The following LRRC4C variants were observed in gnomAD, a reference collection of about 807,000 sequenced individuals.
LRRC4C encodes the protein leucine-rich repeat-containing protein 4C.
A neutral mutation model predicts 33.6 loss-of-function variants in LRRC4C; 5 were observed. The ratio of observed to expected loss-of-function variants is 0.15; its 90% CI spans 0.08 to 0.31. The LOEUF (loss-of-function observed/expected upper bound fraction) is 0.31. LRRC4C is among the 10% of genes least tolerant of loss of function. LRRC4C has a pLI of 1.00. For missense variants in LRRC4C, 560 were observed against 796.7 expected (o/e 0.70, Z 3.58); for synonymous variants, 329 against 302.0 (o/e 1.09, Z -0.93).
At chr11:41,367,533 C>T (rs532373975) in intron 1 of LRRC4C, among the ~76,000 whole-genome samples, 16 of 152,196 alleles carry the variant, frequency 1.1e-4, no homozygotes, top group African/African-American at 2.4e-4. Context: ...AATTTTAGTT[C>T]GGAATCATAC....
At chr11:40,875,019 A>T (rs1006848971) in intron 2 of LRRC4C, among the ~76,000 whole-genome samples, 4 of 152,318 alleles carry the variant, frequency 2.6e-5, no homozygotes, top group African/African-American at 9.6e-5. Context: ...ATCATTTCCC[A>T]TTCAGCCTAG....
At chr11:41,455,269 T>C (rs983187098) in intron 1 of LRRC4C, among the ~76,000 whole-genome samples, 6 of 152,206 alleles carry the variant, frequency 3.9e-5, no homozygotes, top group African/African-American at 1.4e-4. Flanking sequence ...CTGGAGTTAT[T>C]TGGTGAGTGC....
intron 3 of LRRC4C, among the ~76,000 whole-genome samples, chr11:40,627,478 C>A (rs904788706): frequency 6.6e-6 from 1 of 152,048 alleles, no homozygotes; most frequent in African/African-American, 2.4e-5. Flanking sequence ...AAGTCTCATT[C>A]TTGTAAAATA....
intron 1 of LRRC4C, among the ~76,000 whole-genome samples, chr11:41,348,534 T>C (rs948661870): frequency 3.3e-5 from 5 of 151,830 alleles, no homozygotes; most frequent in Non-Finnish European, 7.4e-5. Flanking sequence ...GAAAGAGTGT[T>C]GCCCTCGGGC....
At chr11:40,448,856 C>G (rs1162064157) in intron 3 of LRRC4C, among the ~76,000 whole-genome samples, 1 of 152,168 alleles carries the variant, frequency 6.6e-6, no homozygotes, top group Non-Finnish European at 1.5e-5. Context: ...CTAATTTACA[C>G]TCACATCAGC....
At chr11:40,997,105 G>A (rs375217867) in intron 1 of LRRC4C, among the ~76,000 whole-genome samples, 1 of 152,106 alleles carries the variant, frequency 6.6e-6, no homozygotes, top group East Asian at 1.9e-4. Context: ...GTTCTGCAAT[G>A]ATATCTGTGT....
intron 1 of LRRC4C, among the ~76,000 whole-genome samples, chr11:41,127,590 A>G (rs919045419): frequency 1.3e-5 from 2 of 152,094 alleles, no homozygotes; most frequent in Admixed American, 6.6e-5. Flanking sequence ...CTCTATCCCT[A>G]TAAAGTCAAA....
chr11:40,490,431 T>C (rs999970079), intron 3 of LRRC4C, among the ~76,000 whole-genome samples: 1 of 152,174 alleles, frequency 6.6e-6, no homozygotes, highest in African/African-American at 2.4e-5. Context: ...TTTGGCCTTG[T>C]AGTGCATGTA....
rs374447995 is a variant in LRRC4C at position 40,154,860 on chromosome 11, A to G, written c.-95-14007T>C. 8.5e-5 allele frequency among the ~76,000 whole-genome samples: 13 copies of G among 152,286 alleles called. No individual in the cohort carries two copies. The East Asian group carries it at 2.5e-3, about 29-fold the overall frequency. ...TATACCTTGGAACAAATGGACTTAA[A>G]CGAATATACAGAATATTTCATCCAA... On this transcript the variant is annotated intron_variant, in intron 5 of 6. Coordinates refer to ENST00000528697, the MANE Select transcript of LRRC4C (RefSeq NM_001258419.2).
At chr11:40,731,408 T>C (rs542353967) in intron 2 of LRRC4C, among the ~76,000 whole-genome samples, 2 of 152,286 alleles carry the variant, frequency 1.3e-5, no homozygotes, top group African/African-American at 4.8e-5. Flanking sequence ...TGACTGCTCC[T>C]GCTTTACCTT....
intron 1 of LRRC4C, among the ~76,000 whole-genome samples, chr11:41,023,136 C>G (rs543110313): frequency 6.6e-6 from 1 of 151,716 alleles, no homozygotes; most frequent in Non-Finnish European, 1.5e-5. Context: ...TTAGGAAACC[C>G]AATGTCAAGC....
At chr11:41,321,786 A>G (rs1337965667) in intron 1 of LRRC4C, among the ~76,000 whole-genome samples, 2 of 152,190 alleles carry the variant, frequency 1.3e-5, no homozygotes, top group Non-Finnish European at 2.9e-5. Flanking sequence ...TACGAGGTAG[A>G]TGACCTTGGA....
At chr11:40,834,515 A>C (rs1952570528) in intron 2 of LRRC4C, among the ~76,000 whole-genome samples, 1 of 152,038 alleles carries the variant, frequency 6.6e-6, no homozygotes, top group Admixed American at 6.6e-5. Flanking sequence ...CTTGAAATCC[A>C]ATATATACTA....
At chr11:40,173,275 T>G (rs554991794) in intron 5 of LRRC4C, among the ~76,000 whole-genome samples, 4 of 152,308 alleles carry the variant, frequency 2.6e-5, no homozygotes, top group African/African-American at 9.6e-5. Flanking sequence ...GTTGCAGCAC[T>G]TGTCACAGCT....
At chr11:40,490,761 T>G (rs1954107868) in intron 3 of LRRC4C, among the ~76,000 whole-genome samples, 1 of 152,170 alleles carries the variant, frequency 6.6e-6, no homozygotes, top group Non-Finnish European at 1.5e-5. Flanking sequence ...TTCTTTAATT[T>G]GGAAACATAA....
At chr11:40,186,800 C>T (rs532098347) in intron 5 of LRRC4C, among the ~76,000 whole-genome samples, 73 of 152,292 alleles carry the variant, frequency 4.8e-4, no homozygotes, top group East Asian at 7.7e-4. Flanking sequence ...CTGCAGTTAC[C>T]GGCTCAATAA....
chr11:40,391,154 A>T (rs1487995118), intron 3 of LRRC4C, among the ~76,000 whole-genome samples: 1 of 152,148 alleles, frequency 6.6e-6, no homozygotes, highest in Non-Finnish European at 1.5e-5. Flanking sequence ...CTAGGATTAC[A>T]GGTCATTTCT....
At chr11:40,753,719 C>T (rs543975834) in intron 2 of LRRC4C, among the ~76,000 whole-genome samples, 4 of 151,660 alleles carry the variant, frequency 2.6e-5, no homozygotes, top group Admixed American at 6.6e-5. Flanking sequence ...TTCTAAAGTG[C>T]GTCATATTCT....
intron 2 of LRRC4C, among the ~76,000 whole-genome samples, chr11:40,765,152 T>G (rs1949391160): frequency 2.0e-5 from 3 of 152,242 alleles, no homozygotes; most frequent in South Asian, 4.1e-4. Context: ...CACCCAAATC[T>G]CATATCAAGT....
Sources: allele counts gnomAD v4.1 joint callset (sites outside exome capture counted in the v4.1 genomes callset), GRCh38; gene constraint gnomAD v4.1.1; transcripts MANE v1.5; gene names NCBI Gene and HGNC (gene_info 2026-07-23, HGNC 2026-07-21).